Variants in KDM3A observed in about 807,000 individuals in gnomAD.
The protein encoded by KDM3A is lysine demethylase 3A, also known as lysine-specific demethylase 3A.
Under a neutral mutation model 158.0 loss-of-function variants are expected in KDM3A, and 60 were observed. The ratio of observed to expected loss-of-function variants is 0.38; its 90% CI spans 0.31 to 0.47. KDM3A has a LOEUF of 0.47. Ranked by LOEUF, KDM3A falls within the 20% of genes least tolerant of loss-of-function variation. The pLI, the probability that KDM3A is intolerant of heterozygous loss-of-function variation, is 0.99. For synonymous variants in KDM3A, 608 were observed against 549.3 expected, an observed-to-expected ratio of 1.11 and a Z score of -1.49; for missense variants, 1,319 against 1,574.3, an observed-to-expected ratio of 0.84 and a Z score of 2.74.
chr2:86,480,193 T>C lies in KDM3A; in HGVS notation c.2343T>C (p.Thr781=). ...CTTCTTTAGCTGGAGAAAAACCGACTCTTGGTGCAGTGCTCCAGCAGAATC... is the reference window on the plus strand; with the variant it reads ...CTTCTTTAGCTGGAGAAAAACCGACCCTTGGTGCAGTGCTCCAGCAGAATC... ...KQTSLAGEKP[T]LGAVLQQNPS... Residue 781 remains threonine, a synonymous_variant, in exon 16 of 26, where the codon ACT becomes ACC. Transcript: ENST00000312912. 3.1e-6 allele frequency: 5 copies of C among 1,613,116 alleles called. No individual in the cohort carries two copies. Among genetic ancestry groups the C allele is most frequent in the Non-Finnish European group, 4.2e-6 (5 of 1,179,992 alleles).
At chr2:86,474,429 G>T (rs1438672497) in intron 11 of KDM3A, among the ~76,000 whole-genome samples, 2 of 123,808 alleles carry the variant, frequency 1.6e-5, no homozygotes, top group African/African-American at 5.0e-5. Context: ...TTGGGAGGCT[G>T]AGGCAGGCGT....
rs1042648797 is a variant in KDM3A, at chr2:86,484,929, G to A, written c.3095-13G>A. 7 of 1,537,042 alleles carry A rather than the reference G, an allele frequency of 4.6e-6. No homozygotes were observed. Among genetic ancestry groups the A allele is most frequent in the African/African-American group, 1.4e-5 (1 of 73,238 alleles). ...ATTATAAATAGTAATAGTTCATTCT[G>A]TTTACCTTTCAGATCGTTTGAAAAA... On this transcript the variant is annotated splice_polypyrimidine_tract_variant and intron_variant, in intron 19 of 25. Coordinates refer to ENST00000312912, the MANE Select transcript of KDM3A (RefSeq NM_018433.6).
chr2:86,442,058 C>T lies in KDM3A; in HGVS notation c.11C>T (p.Thr4Met), dbSNP rs755641599. Reference sequence around the variant, plus strand: ...GCAGGCGTGGAAACCATGGTGCTCACGCTCGGAGAAAGTTGGCCGGTATTG... The same window carrying T: ...GCAGGCGTGGAAACCATGGTGCTCATGCTCGGAGAAAGTTGGCCGGTATTG... MVL[T>M]LGESWPVLVG... The change falls in exon 2 of 26, where the codon ACG becomes ATG. Residue 4 changes from threonine to methionine, a missense_variant. By Grantham distance (81) the Thr-to-Met change is moderately conservative. Transcript: ENST00000312912. The T allele has an allele frequency of 6.2e-7, 1 of 1,613,754 alleles. No homozygotes were observed. The highest frequency in any genetic ancestry group is 1.3e-5 in the African/African-American group (1 of 74,916).
At chr2:86,473,141 TATGTATGC>T (rs1159757125) in intron 11 of KDM3A, among the ~76,000 whole-genome samples, 1 of 152,218 alleles carries the variant, frequency 6.6e-6, no homozygotes, top group Non-Finnish European at 1.5e-5. Context: ...TGTTTGTATG[TATGTATGC>T]ATGTATGTAT....
intron 16 of KDM3A, among the ~76,000 whole-genome samples, chr2:86,481,582 G>A (rs2104699371): frequency 6.6e-6 from 1 of 151,678 alleles, no homozygotes; most frequent in Non-Finnish European, 1.5e-5. Context: ...TGTACTGGAA[G>A]TCCTGGTCAG....
chr2:86,455,953 C>CAAAAAAA (rs574299612), intron 5 of KDM3A, among the ~76,000 whole-genome samples: 1 of 56,172 alleles, frequency 1.8e-5, no homozygotes, highest in African/African-American at 6.7e-5. Context: ...GACCCTGTCT[C>CAAAAAAA]AAAAAAAAAA....
In KDM3A at chr2:86,470,389, C is replaced by T. The variant is rs1673348733; in HGVS notation, c.1705C>T (p.Arg569Cys). 1.2e-6 allele frequency: 2 copies of T among 1,613,774 alleles called. No homozygotes were observed. The highest frequency in any genetic ancestry group is 1.1e-5 in the South Asian group (1 of 91,062). ...ACAGAAGGACTCACCTGTGTTTTGC[C>T]GCTTCTTTCACTTCAGGAGGTGAGG... ...EQQKDSPVFC[R>C]FFHFRRLQFN... Residue 569 changes from arginine to cysteine, a missense_variant, in exon 11 of 26, where the codon CGC becomes TGC. By Grantham distance (180) the Arg-to-Cys change is radical. Around this residue, in one of 4 missense-constraint regions of KDM3A, gnomAD observed 113 missense variants for 190.5 expected, o/e 0.59. Transcript: ENST00000312912.
At chr2:86,464,569 A>G (rs1673057870) in intron 9 of KDM3A, among the ~76,000 whole-genome samples, 1 of 152,224 alleles carries the variant, frequency 6.6e-6, no homozygotes, top group Non-Finnish European at 1.5e-5. Flanking sequence ...AGACATGGTT[A>G]CAGTGAGAGA....
At position 86,482,573 on chromosome 2, in the gene KDM3A, C is replaced by T; in HGVS notation, c.2801C>T (p.Pro934Leu). 7 of 1,614,102 alleles carry T rather than the reference C, an allele frequency of 4.3e-6. No individual in the cohort carries two copies. Among genetic ancestry groups the T allele is most frequent in the Non-Finnish European group, 5.9e-6 (7 of 1,179,990 alleles). The part of the protein sequence containing the change: ...SKRPQGLTIK[P>L]SILGFDTPHY... ...AGGCCTCAAGGACTAACCATCAAGC[C>T]CAGCATTCTGGGCTTTGACACTCCT... Residue 934 changes from proline (P) to leucine (L), a missense_variant, in exon 18 of 26, where the codon CCC (proline) becomes CTC (leucine). Physicochemically the swap from Pro to Leu is moderately conservative, Grantham distance 98. Coordinates refer to ENST00000312912, the MANE Select transcript of KDM3A (RefSeq NM_018433.6).
intron 25 of KDM3A, 127 bp from the exon 26 acceptor site, chr2:86,491,912 A>G: frequency 1.5e-6 from 1 of 660,856 alleles, no homozygotes; most frequent in East Asian, 2.8e-5. Flanking sequence ...CAATGTTGAC[A>G]TTTCATACGA....
intron 12 of KDM3A, among the ~76,000 whole-genome samples, chr2:86,475,722 C>A (rs1673631106): frequency 6.6e-6 from 1 of 152,210 alleles, no homozygotes; most frequent in African/African-American, 2.4e-5. Context: ...ATATTTTCTT[C>A]CATCATTTTA....
intron 2 of KDM3A, among the ~76,000 whole-genome samples, chr2:86,445,953 A>G (rs960228848): frequency 4.6e-5 from 7 of 152,218 alleles, no homozygotes; most frequent in African/African-American, 1.7e-4. Context: ...TCTAAAAACC[A>G]TATCATTCTG....
At chr2:86,465,484 T>C (rs1301033354) in intron 9 of KDM3A, among the ~76,000 whole-genome samples, 1 of 152,134 alleles carries the variant, frequency 6.6e-6, no homozygotes, top group Non-Finnish European at 1.5e-5. Context: ...TTAAGTTTAC[T>C]GCAGCTTTGA....
At chr2:86,468,352 T>C (rs1299659065) in intron 10 of KDM3A, among the ~76,000 whole-genome samples, 1 of 152,214 alleles carries the variant, frequency 6.6e-6, no homozygotes, top group Non-Finnish European at 1.5e-5. Context: ...ACCATATCCT[T>C]GTTCTATTTG....
intron 13 of KDM3A, 31 bp from the exon 14 acceptor site, chr2:86,478,139 A>G (rs1673747706): frequency 2.5e-6 from 4 of 1,610,094 alleles, no homozygotes; most frequent in Non-Finnish European, 2.5e-6. Flanking sequence ...GAGTCTGTAA[A>G]GAACAGTTAC....
chr2:86,467,695 T>C (rs1469105368), intron 10 of KDM3A, among the ~76,000 whole-genome samples: 1 of 152,202 alleles, frequency 6.6e-6, no homozygotes, highest in Non-Finnish European at 1.5e-5. Flanking sequence ...TTTTGATCAC[T>C]GTTAGCTATG....
intron 2 of KDM3A, among the ~76,000 whole-genome samples, chr2:86,444,062 C>A (rs1401008892): frequency 6.6e-6 from 1 of 152,168 alleles, no homozygotes; most frequent in Admixed American, 6.5e-5. Flanking sequence ...AATTGAGGAC[C>A]TGTTGGGTTA....
chr2:86,478,365 G>A, intron 14 of KDM3A, 100 bp downstream of exon 14: 3 of 935,996 alleles, frequency 3.2e-6, no homozygotes, highest in South Asian at 1.5e-5. Flanking sequence ...GTTTATTTTA[G>A]TGTGTATTGT....
chr2:86,449,987 ACTC>A (rs772230881), intron 3 of KDM3A, 25 bp downstream of exon 3: 1 of 1,595,530 alleles, frequency 6.3e-7, no homozygotes, highest in African/African-American at 1.4e-5. Context: ...GGCTTATTGA[ACTC>A]CTGAGAAGAG....
Sources: allele counts gnomAD v4.1 joint callset (sites outside exome capture counted in the v4.1 genomes callset), GRCh38; gene constraint gnomAD v4.1.1; regional missense constraint gnomAD v4.1.1; transcripts MANE v1.5; gene names NCBI Gene and HGNC (gene_info 2026-07-23, HGNC 2026-07-21).